Variants in PPP1R1B observed in about 807,000 individuals in gnomAD.
The protein encoded by PPP1R1B is protein phosphatase 1 regulatory subunit 1B.
In PPP1R1B, 13 loss-of-function variants were observed where a neutral mutation model predicts 28.2. The observed-to-expected ratio is 0.46, with a 90% CI of 0.30 to 0.73. PPP1R1B has a LOEUF of 0.73. Ranked by LOEUF, PPP1R1B falls within the 30% of genes least tolerant of loss-of-function variation. The pLI, the probability that PPP1R1B is intolerant of heterozygous loss-of-function variation, is 0.07. For missense variants in PPP1R1B, 236 were observed against 256.7 expected (o/e 0.92, Z 0.55); for synonymous variants, 102 against 97.5 (o/e 1.05, Z -0.27).
chr17:39,627,200 G>A lies in PPP1R1B; in HGVS notation c.-193G>A. On this transcript the variant is annotated 5_prime_UTR_variant, in exon 1 of 7. Coordinates refer to ENST00000254079, the MANE Select transcript of PPP1R1B (RefSeq NM_032192.4). ...CCGAGTCCCGAGAGCCTGGGGGCGCGCCCAGCCCGGGCGCCGACCCTCCTC... is the reference window on the plus strand; with the variant it reads ...CCGAGTCCCGAGAGCCTGGGGGCGCACCCAGCCCGGGCGCCGACCCTCCTC... 1.0e-5 allele frequency: 5 copies of A among 492,742 alleles called. No individual in the cohort carries two copies. The East Asian group carries it at 1.8e-4, about 18-fold the overall frequency. 30.5% of individuals were successfully genotyped at this position (492,742 alleles called of 1,614,324 possible).
In PPP1R1B at chr17:39,633,883, C is replaced by T. The variant is rs751406867; in HGVS notation, c.242C>T (p.Ala81Val). Residue 81 changes from alanine to valine, a missense_variant and splice_region_variant, in exon 5 of 7, where the codon GCT becomes GTT. Coordinates refer to ENST00000254079, the MANE Select transcript of PPP1R1B (RefSeq NM_032192.4). ...PCAYTPPSLK[A>V]VQRIAESHLQ... ...CTTTCCTCGGTCTCCTCTGTGCCAG[C>T]TGTGCAGCGCATTGCTGAGTCTCAC... 1 of 1,613,554 alleles carries T rather than the reference C, an allele frequency of 6.2e-7. No individual in the cohort carries two copies. The highest frequency in any genetic ancestry group is 8.5e-7 in the Non-Finnish European group (1 of 1,179,784).
chr17:39,633,741 G>C (rs1352123429), intron 4 of PPP1R1B, 142 bp from the exon 5 acceptor site: 2 of 1,458,068 alleles, frequency 1.4e-6, no homozygotes, highest in African/African-American at 1.4e-5. Context: ...TGTCAACTTT[G>C]GCCTTTGAAC....
At chr17:39,630,105 C>A in intron 4 of PPP1R1B, 58 bp downstream of exon 4, 1 of 1,499,220 alleles carries the variant, frequency 6.7e-7, no homozygotes. Flanking sequence ...ACTGGGCAGA[C>A]GCTAGGGGAG....
At chr17:39,629,937 G>C (rs745375176) in intron 3 of PPP1R1B, 35 bp from the exon 4 acceptor site, 1 of 1,605,332 alleles carries the variant, frequency 6.2e-7, no homozygotes, top group South Asian at 1.1e-5. Context: ...AAGGGCCTCT[G>C]CTGAGCCCCT....
rs774047616 is a variant in PPP1R1B at position 39,635,886 on chromosome 17, A to G, written c.*21A>G. 3.7e-5 allele frequency: 60 copies of G among 1,611,618 alleles called. 1 individual carries two copies. The highest frequency in any genetic ancestry group is 1.8e-4 in the East Asian group (8 of 44,868). On this transcript the variant is annotated 3_prime_UTR_variant, in exon 7 of 7. Coordinates refer to ENST00000254079, the MANE Select transcript of PPP1R1B (RefSeq NM_032192.4). ...CATAGGCACCCAGCCTGCATCTCCC[A>G]GGAGGAAGTGGAGGGGACATCGCTG...
At chr17:39,633,323 G>A (rs903305044) in intron 4 of PPP1R1B, 11 of 160,822 alleles carry the variant, frequency 6.8e-5, no homozygotes, top group Admixed American at 1.7e-4. Context: ...CTTGGAGCCC[G>A]GGGCAGGAGT....
intron 1 of PPP1R1B, chr17:39,628,572 C>A (rs1265771740): frequency 1.9e-5 from 19 of 985,736 alleles, no homozygotes; most frequent in South Asian, 4.7e-5. Flanking sequence ...CAAACCAAGG[C>A]CCCCAGAGAG....
At chr17:39,629,888 G>T in intron 3 of PPP1R1B, 84 bp from the exon 4 acceptor site, 1 of 1,326,366 alleles carries the variant, frequency 7.5e-7, no homozygotes, top group South Asian at 1.2e-5. Context: ...GTCTGCTTGG[G>T]TGGCCATGGG....
At chr17:39,634,707 T>C (rs754085957) in intron 5 of PPP1R1B, among the ~76,000 whole-genome samples, 2 of 152,246 alleles carry the variant, frequency 1.3e-5, no homozygotes, top group Non-Finnish European at 2.9e-5. Flanking sequence ...AGCTGTCAGC[T>C]CTTCCACACA....
In PPP1R1B at chr17:39,627,136, G is replaced by C; in HGVS notation, c.-257G>C. ...CCCAGGCCGGGGAGCGCGAGGGAGC[G>C]AGGCACAGACCTGGCTCAGCGAGCG... On this transcript the variant is annotated 5_prime_UTR_variant, in exon 1 of 7. Coordinates refer to ENST00000254079, the MANE Select transcript of PPP1R1B (RefSeq NM_032192.4). 2.2e-6 allele frequency: 1 copy of C among 446,742 alleles called. No homozygotes were observed. Among genetic ancestry groups the C allele is most frequent in the South Asian group, 4.2e-5 (1 of 24,082 alleles). 27.7% of individuals were successfully genotyped at this position (446,742 alleles called of 1,614,324 possible).
intron 1 of PPP1R1B, 106 bp downstream of exon 1, chr17:39,627,579 G>A (rs558648345): frequency 2.4e-5 from 17 of 698,918 alleles, no homozygotes; most frequent in East Asian, 6.6e-5. Flanking sequence ...GGGTGGGGGC[G>A]CAAGGAGAGC....
At chr17:39,627,554 G>C in intron 1 of PPP1R1B, 81 bp downstream of exon 1, 1 of 910,254 alleles carries the variant, frequency 1.1e-6, no homozygotes, top group Non-Finnish European at 1.6e-6. Context: ...CGCTGCCCCG[G>C]CCGGACTGGC....
At chr17:39,631,235 G>A (rs187685857) in intron 4 of PPP1R1B, among the ~76,000 whole-genome samples, 9 of 152,122 alleles carry the variant, frequency 5.9e-5, no homozygotes, top group South Asian at 2.1e-4. Context: ...AGCCTGTCTC[G>A]GGAAAAAATA....
In PPP1R1B at chr17:39,629,557, C is replaced by G. The variant is rs145932715; in HGVS notation, c.160C>G (p.His54Asp). Residue 54 changes from histidine (H) to aspartate (D), a missense_variant, in exon 3 of 7, where the codon CAC becomes GAC. Transcript: ENST00000254079. The part of the protein sequence containing the change: ...HSSPEEEASP[H>D]QRASGEGHHL... ...TTCCTCAGAGGAGGAAGCCTCCCCCCACCAGGTGAGTTTCCTGGGGCAGCT... is the reference window on the plus strand; with the variant it reads ...TTCCTCAGAGGAGGAAGCCTCCCCCGACCAGGTGAGTTTCCTGGGGCAGCT... 7 of 1,613,616 alleles carry G rather than the reference C, an allele frequency of 4.3e-6. No individual in the cohort carries two copies. Among genetic ancestry groups the G allele is most frequent in the South Asian group, 2.2e-5 (2 of 91,000 alleles).
At chr17:39,631,734 T>C (rs1389071295) in intron 4 of PPP1R1B, among the ~76,000 whole-genome samples, 1 of 151,956 alleles carries the variant, frequency 6.6e-6, no homozygotes, top group Non-Finnish European at 1.5e-5. Flanking sequence ...AGGGGTTATT[T>C]TGCTTTCCCC....
At chr17:39,631,381 G>A (rs1202681510) in intron 4 of PPP1R1B, among the ~76,000 whole-genome samples, 2 of 152,232 alleles carry the variant, frequency 1.3e-5, no homozygotes, top group East Asian at 3.8e-4. Flanking sequence ...AAAGAGATGC[G>A]AGTCAGAGGG....
At chr17:39,633,744 C>T (rs1191456137) in intron 4 of PPP1R1B, 139 bp from the exon 5 acceptor site, 1 of 1,484,942 alleles carries the variant, frequency 6.7e-7, no homozygotes, top group Non-Finnish European at 9.0e-7. Context: ...CAACTTTGGC[C>T]TTTGAACTTG....
intron 5 of PPP1R1B, 66 bp downstream of exon 5, chr17:39,634,152 CCT>C: frequency 6.3e-7 from 1 of 1,591,906 alleles, no homozygotes; most frequent in Non-Finnish European, 8.6e-7. Context: ...GAGGACGTCC[CCT>C]TCTAGTTCAG....
chr17:39,629,292 C>T, intron 2 of PPP1R1B, 62 bp downstream of exon 2: 2 of 1,532,820 alleles, frequency 1.3e-6, no homozygotes, highest in Non-Finnish European at 1.8e-6. Flanking sequence ...TTCCTAGGGG[C>T]CCTGCCAAAG....
Sources: gnomAD v4.1 joint callset for allele counts (sites outside exome capture counted in the v4.1 genomes callset) on GRCh38, gnomAD v4.1.1 for gene constraint, MANE v1.5 for transcripts, NCBI Gene and HGNC (gene_info 2026-07-23, HGNC 2026-07-21) for gene names.